The following PCDHGB4 variants were observed in gnomAD, a reference collection of about 807,000 sequenced individuals.
PCDHGB4 encodes protocadherin gamma subfamily B, 4.
In PCDHGB4, 38 loss-of-function variants were observed where a neutral mutation model predicts 60.5. That is an observed-to-expected ratio of 0.63 (90% CI 0.48 to 0.82). The LOEUF is 0.82. PCDHGB4 is among the 40% of genes least tolerant of loss of function. The pLI is 0.00. For synonymous variants in PCDHGB4, 456 were observed against 509.7 expected (o/e 0.89, Z 1.42); for missense variants, 1,109 against 1,209.6 (o/e 0.92, Z 1.23).
In PCDHGB4 at chr5:141,485,433, A is replaced by G. The variant is rs2099613324; in HGVS notation, c.2398-9374A>G. On this transcript the variant is annotated intron_variant, in intron 1 of 3. Transcript: ENST00000519479. The surrounding 1 kb of genome is among the most constrained non-coding windows in gnomAD (Gnocchi z 5.7). The stretch of plus-strand genomic sequence containing the variant: ...TTGGACAGCGGAGCCCTGCTCATCA[A>G]GAACCCAATCGACCGAGAGGCACTG... 6 of 1,614,208 alleles carry G rather than the reference A, an allele frequency of 3.7e-6. No homozygotes were observed. Among genetic ancestry groups the G allele is most frequent in the Non-Finnish European group, 5.1e-6 (6 of 1,180,030 alleles).
At chr5:141,428,320 T>G in intron 1 of PCDHGB4, 2 of 650,176 alleles carry the variant, frequency 3.1e-6, no homozygotes, top group Non-Finnish European at 5.5e-6. Context: ...GGCCTTGGCC[T>G]TGATTTCTAT....
intron 1 of PCDHGB4, chr5:141,400,105 T>C (rs1282646842): frequency 6.2e-7 from 1 of 1,613,938 alleles, no homozygotes; most frequent in Non-Finnish European, 8.5e-7. Context: ...GCACTTGGTC[T>C]TTGCTGACAG....
intron 1 of PCDHGB4, among the ~76,000 whole-genome samples, chr5:141,425,668 T>C (rs2096887740): frequency 1.3e-5 from 2 of 152,260 alleles, no homozygotes; most frequent in South Asian, 4.1e-4. Context: ...GCACATCAGA[T>C]TGAAAATAAT....
intron 1 of PCDHGB4, chr5:141,479,339 G>GTA (rs1298553162): frequency 1.3e-5 from 2 of 152,644 alleles, no homozygotes; most frequent in East Asian, 3.8e-4. Context: ...GTGTGCACCT[G>GTA]TAGTTCTTGC....
Position 141,432,097 on chromosome 5 carries a change from C to G in PCDHGB4, c.2397+41816C>G. ...TCTCGCTGAACGTGGCAGACACCAA[C>G]GACAACCCGCCGGTCTTCCCTCAGG... On this transcript the variant is annotated intron_variant, in intron 1 of 3. Transcript: ENST00000519479. This position sits in a 1 kb window ranked among gnomAD's most constrained non-coding sequence, Gnocchi z 6.0. The G allele has an allele frequency of 6.2e-7, 1 of 1,614,184 alleles. No homozygotes were observed.
chr5:141,430,987 C>T (rs1171599563), intron 1 of PCDHGB4: 2 of 1,613,690 alleles, frequency 1.2e-6, no homozygotes, highest in African/African-American at 2.7e-5. Context: ...AGCTTTTCGC[C>T]CTGAATCCGC....
intron 1 of PCDHGB4, chr5:141,399,220 A>T: frequency 6.2e-7 from 1 of 1,613,966 alleles, no homozygotes; most frequent in East Asian, 2.2e-5. Flanking sequence ...AATTGCTTTG[A>T]TCAAAATACA....
intron 1 of PCDHGB4, among the ~76,000 whole-genome samples, chr5:141,458,063 G>A (rs1011861177): frequency 1.3e-5 from 2 of 152,190 alleles, no homozygotes; most frequent in African/African-American, 4.8e-5. Context: ...CTGCACTGAT[G>A]CGAACAACTA....
intron 1 of PCDHGB4, chr5:141,408,704 A>G: frequency 1.2e-6 from 2 of 1,613,236 alleles, no homozygotes; most frequent in Non-Finnish European, 1.7e-6. Context: ...AAACTCAATT[A>G]AAGATTATAA....
intron 1 of PCDHGB4, chr5:141,403,959 C>T (rs1415465011): frequency 2.5e-6 from 4 of 1,613,568 alleles, no homozygotes; most frequent in Non-Finnish European, 3.4e-6. Context: ...GTGCTCATTT[C>T]GGTGGAAGAT....
rs766885846 is a variant in PCDHGB4 at position 141,393,434 on chromosome 5, TCAC to T, written c.2397+3158_2397+3160del. The stretch of plus-strand genomic sequence containing the variant: ...CCCTGGACAGGGAGGAAGAGGCTGC[TCAC>T]CACCTGGTCCTCACGGCCTCGGATG... On this transcript the variant is annotated intron_variant, in intron 1 of 3. Coordinates refer to ENST00000519479, the MANE Select transcript of PCDHGB4 (RefSeq NM_003736.4). 11 of 1,613,902 alleles carry T rather than the reference TCAC, an allele frequency of 6.8e-6. No individual in the cohort carries two copies. The African/African-American group carries it at 1.2e-4, about 18-fold the overall frequency.
intron 1 of PCDHGB4, chr5:141,478,165 C>A: frequency 1.2e-6 from 2 of 1,614,038 alleles, no homozygotes; most frequent in Non-Finnish European, 1.7e-6. Context: ...GCTCTGCCCC[C>A]CGGGAGCAGA....
chr5:141,445,584 G>A lies in PCDHGB4; in HGVS notation c.2398-49223G>A, dbSNP rs540956709. ...AGAAAGCTTATAGTAGGGAAGCTTC[G>A]CCTAATCTGAAGGTCAAGGAAGGCT... On this transcript the variant is annotated intron_variant, in intron 1 of 3. Transcript: ENST00000519479. Among the ~76,000 whole-genome samples, 116 of 152,286 alleles carry A rather than the reference G, an allele frequency of 7.6e-4. 2 individuals are homozygous for A. Among genetic ancestry groups the A allele is most frequent in the Non-Finnish European group, 2.4e-4 (16 of 68,024 alleles).
intron 1 of PCDHGB4, chr5:141,404,187 G>A (rs370199750): frequency 3.1e-6 from 5 of 1,613,124 alleles, no homozygotes; most frequent in African/African-American, 1.3e-5. Context: ...ATTCTTGACC[G>A]AGAAAAAGCC....
At chr5:141,408,055 C>CCGG in intron 1 of PCDHGB4, 1 of 1,299,130 alleles carries the variant, frequency 7.7e-7, no homozygotes, top group South Asian at 1.6e-5. Flanking sequence ...ACAGAGCCTC[C>CCGG]CGGCTGCGCA....
chr5:141,410,827 A>G lies in PCDHGB4; in HGVS notation c.2397+20546A>G. The G allele has an allele frequency of 1.4e-5, 6 of 440,972 alleles. No individual in the cohort carries two copies. The South Asian group carries it at 2.4e-4, about 18-fold the overall frequency. 27.3% of individuals were successfully genotyped at this position (440,972 alleles called of 1,614,324 possible). The stretch of plus-strand genomic sequence containing the variant: ...TCTTTTTGTAAAATAATGTCACCAG[A>G]CTGAAGATATTTTGTCTTTGTCTTT... On this transcript the variant is annotated intron_variant, in intron 1 of 3. Transcript: ENST00000519479.
At chr5:141,458,630 C>T (rs575289408) in intron 1 of PCDHGB4, among the ~76,000 whole-genome samples, 1 of 151,864 alleles carries the variant, frequency 6.6e-6, no homozygotes, top group Admixed American at 6.6e-5. Flanking sequence ...AGTGCAGTGG[C>T]ACAATCCCAG....
intron 1 of PCDHGB4, chr5:141,433,186 G>A (rs753657435): frequency 1.4e-5 from 23 of 1,601,378 alleles, no homozygotes; most frequent in Non-Finnish European, 1.9e-5. Context: ...TAATTGAGGT[G>A]AGTTTATATC....
At chr5:141,429,445 G>C (rs2097215795) in intron 1 of PCDHGB4, among the ~76,000 whole-genome samples, 1 of 151,758 alleles carries the variant, frequency 6.6e-6, no homozygotes, top group Admixed American at 6.6e-5. Context: ...AAACTCTTGG[G>C]CTACAGTAAT....
Sources: gnomAD v4.1 joint callset for allele counts (sites outside exome capture counted in the v4.1 genomes callset) on GRCh38, gnomAD v4.1.1 for gene constraint, Gnocchi (gnomAD v3.1) non-coding constraint, MANE v1.5 for transcripts, NCBI Gene and HGNC (gene_info 2026-07-23, HGNC 2026-07-21) for gene names.